DNAH11: variants seen among roughly 807,000 people sequenced by gnomAD.
DNAH11 encodes the protein axonemal beta dynein heavy chain 11.
DNAH11 carries 442 observed loss-of-function variants against 526.0 expected under a neutral mutation model. The observed-to-expected ratio is 0.84, with a 90% CI of 0.78 to 0.91. The LOEUF (loss-of-function observed/expected upper bound fraction) is 0.91, where lower values mean the gene tolerates loss of function less well. Among genes scored for constraint, DNAH11 ranks in the 40% least tolerant of loss-of-function variants. The probability of loss-of-function intolerance (pLI) is 0.00; values close to 1 mark genes in which losing one functional copy is unlikely to be tolerated. For synonymous variants in DNAH11, 2,461 were observed against 1,935.9 expected (o/e 1.27, Z -7.12); for missense variants, 6,989 against 5,448.7 (o/e 1.28, Z -8.90).
chr7:21,825,905 G>A (rs1364583271), intron 65 of DNAH11, among the ~76,000 whole-genome samples: 1 of 151,076 alleles, frequency 6.6e-6, no homozygotes, highest in Admixed American at 6.6e-5. Flanking sequence ...CTCGCAGTGA[G>A]CCAAGATGGT....
In DNAH11 at chr7:21,765,941, T is replaced by A. The variant is rs559640053; in HGVS notation, c.9102+352T>A. On this transcript the variant is annotated intron_variant, in intron 55 of 81. Transcript: ENST00000409508. ...TGGGGCTTGCTGATTATAAATCCTT[T>A]AAGTCCAAACTAAAAGCCCAAACAG... 5.9e-5 allele frequency among the ~76,000 whole-genome samples: 9 copies of A among 152,246 alleles called. No homozygotes were observed. The East Asian group carries it at 1.7e-3, about 29-fold the overall frequency.
intron 20 of DNAH11, among the ~76,000 whole-genome samples, chr7:21,613,609 C>T (rs1785632698): frequency 6.6e-6 from 1 of 152,050 alleles, no homozygotes; most frequent in Non-Finnish European, 1.5e-5. Flanking sequence ...CACAAGACTT[C>T]TTGTACAATA....
At chr7:21,611,025 T>C (rs1157126976) in intron 20 of DNAH11, among the ~76,000 whole-genome samples, 1 of 152,192 alleles carries the variant, frequency 6.6e-6, no homozygotes, top group Non-Finnish European at 1.5e-5. Context: ...ACAGAGCTGG[T>C]AAAACATTAT....
In DNAH11 at chr7:21,873,350, A is replaced by G; in HGVS notation, c.12044A>G (p.Asp4015Gly). 6.2e-7 allele frequency: 1 copy of G among 1,613,580 alleles called. No homozygotes were observed. The highest frequency in any genetic ancestry group is 8.5e-7 in the Non-Finnish European group (1 of 1,179,734). Residue 4015 changes from aspartate to glycine, a missense_variant, in exon 74 of 82, where the codon GAT (aspartate) becomes GGT (glycine). Coordinates refer to ENST00000409508, the MANE Select transcript of DNAH11 (RefSeq NM_001277115.2). Reference sequence around the variant, plus strand: ...AGATTCAGCCAAGGAAGCCACAGAGATTACAGGGTTTTCATGAGTGCTGAG... The same window carrying G: ...AGATTCAGCCAAGGAAGCCACAGAGGTTACAGGGTTTTCATGAGTGCTGAG... ...LERFSQGSHR[D>G]YRVFMSAESA...
chr7:21,710,394 G>A (rs991345441), intron 40 of DNAH11, among the ~76,000 whole-genome samples, 159 bp from the exon 41 acceptor site: 4 of 152,136 alleles, frequency 2.6e-5, no homozygotes, highest in African/African-American at 9.7e-5. Context: ...AAATAATAGA[G>A]GTGAATCTGG....
chr7:21,851,511 C>G (rs567928373), intron 66 of DNAH11: 1 of 470,626 alleles, frequency 2.1e-6, no homozygotes, highest in African/African-American at 2.0e-5. Context: ...ACAGAAAGTT[C>G]TGGACATATT....
At chr7:21,650,137 A>T (rs978476302) in intron 28 of DNAH11, among the ~76,000 whole-genome samples, 1 of 152,184 alleles carries the variant, frequency 6.6e-6, no homozygotes, top group African/African-American at 2.4e-5. Flanking sequence ...CATTTACATA[A>T]AATTATACAA....
At chr7:21,566,796 G>A (rs1783687805) in intron 6 of DNAH11, among the ~76,000 whole-genome samples, 1 of 152,090 alleles carries the variant, frequency 6.6e-6, no homozygotes, top group Non-Finnish European at 1.5e-5. Context: ...TGGAACATTG[G>A]AAATGGTTCT....
chr7:21,719,051 A>G (rs1327100368), intron 43 of DNAH11, among the ~76,000 whole-genome samples: 2 of 152,124 alleles, frequency 1.3e-5, no homozygotes, highest in African/African-American at 4.8e-5. Context: ...TCACTTGTGT[A>G]TTTGTGTGAT....
intron 73 of DNAH11, among the ~76,000 whole-genome samples, chr7:21,872,135 A>AAAAAAAAAACAAAAC (rs1562595922): frequency 1.5e-4 from 20 of 137,334 alleles, no homozygotes; most frequent in African/African-American, 4.3e-4. Context: ...AAAAAAAAAA[A>AAAAAAAAAACAAAAC]AAAAAAAAAA....
chr7:21,704,051 A>T (rs532959139), intron 37 of DNAH11, among the ~76,000 whole-genome samples: 1 of 152,342 alleles, frequency 6.6e-6, no homozygotes, highest in South Asian at 2.1e-4. Flanking sequence ...AATGTTTGAG[A>T]TTATCATTCT....
chr7:21,632,265 G>C (rs993828556), intron 25 of DNAH11, among the ~76,000 whole-genome samples: 1 of 152,198 alleles, frequency 6.6e-6, no homozygotes, highest in Non-Finnish European at 1.5e-5. Context: ...ACTGAGATGG[G>C]AGGGCCTGCC....
At chr7:21,632,940 T>C (rs140809588) in intron 25 of DNAH11, among the ~76,000 whole-genome samples, 3 of 152,198 alleles carry the variant, frequency 2.0e-5, no homozygotes, top group Admixed American at 6.5e-5. Flanking sequence ...GGGCAATTTG[T>C]AAAAGAAAGA....
In DNAH11 at chr7:21,600,736, G is replaced by C; in HGVS notation, c.3061G>C (p.Val1021Leu). The C allele has an allele frequency of 6.2e-7, 1 of 1,613,810 alleles. No individual in the cohort carries two copies. The highest frequency in any genetic ancestry group is 8.5e-7 in the Non-Finnish European group (1 of 1,179,818). The stretch of plus-strand genomic sequence containing the variant: ...CAGGCAGGAGATCATGAACAGAGTG[G>C]TGAATGTCATCAACAAAGTCTTAGA... ...EVRQEIMNRV[V>L]NVINKVLDFR... Residue 1021 changes from valine to leucine, a missense_variant, in exon 16 of 82, where the codon GTG becomes CTG. Coordinates refer to ENST00000409508, the MANE Select transcript of DNAH11 (RefSeq NM_001277115.2).
intron 76 of DNAH11, among the ~76,000 whole-genome samples, chr7:21,886,401 T>C (rs1019701854): frequency 2.0e-5 from 3 of 152,184 alleles, no homozygotes; most frequent in African/African-American, 7.2e-5. Flanking sequence ...GTGGAACAGT[T>C]TGGAGACAGT....
chr7:21,605,589 C>G (rs1172558529), intron 18 of DNAH11, among the ~76,000 whole-genome samples: 7 of 152,196 alleles, frequency 4.6e-5, no homozygotes, highest in African/African-American at 1.4e-4. Flanking sequence ...AAAATAAACC[C>G]AACCTCAATC....
In DNAH11 at chr7:21,601,133, T is replaced by C; in HGVS notation, c.3379T>C (p.Trp1127Arg). Residue 1127 changes from tryptophan to arginine, a missense_variant, in exon 17 of 82, where the codon TGG (tryptophan) becomes CGG (arginine). Trp to Arg is a moderately radical substitution (Grantham distance 101). Coordinates refer to ENST00000409508, the MANE Select transcript of DNAH11 (RefSeq NM_001277115.2). ...KVSLLTIIKK[W>R]SWMFQEHLLR... ...GAGCTTGTTAACCATAATTAAGAAA[T>C]GGAGCTGGATGTTTCAGGAGCATCT... The C allele has an allele frequency of 6.2e-7, 1 of 1,607,954 alleles. No homozygotes were observed. The highest frequency in any genetic ancestry group is 8.5e-7 in the Non-Finnish European group (1 of 1,178,790).
chr7:21,655,066 T>G (rs59880939), intron 28 of DNAH11, among the ~76,000 whole-genome samples: 55,616 of 150,556 alleles, frequency 0.37, 11,940 homozygotes, highest in Non-Finnish European at 0.49. Flanking sequence ...GTTGTTGGTT[T>G]TCCCCCCCCA....
chr7:21,729,131 C>T (rs1473300430), intron 45 of DNAH11, among the ~76,000 whole-genome samples: 2 of 152,246 alleles, frequency 1.3e-5, no homozygotes, highest in Admixed American at 1.3e-4. Context: ...TTCTGCTGAT[C>T]TGTGAATTGC....
Sources: allele counts gnomAD v4.1 joint callset (sites outside exome capture counted in the v4.1 genomes callset), GRCh38; gene constraint gnomAD v4.1.1; transcripts MANE v1.5; gene names NCBI Gene and HGNC (gene_info 2026-07-23, HGNC 2026-07-21).